The following MTRFR variants were observed in gnomAD, a reference collection of about 807,000 sequenced individuals.
The protein encoded by MTRFR is mitochondrial translation release factor in rescue.
In MTRFR, 10 loss-of-function variants were observed where a neutral mutation model predicts 11.9. That is an observed-to-expected ratio of 0.84 (90% CI 0.52 to 1.42). The LOEUF is 1.42. Ranked by LOEUF, MTRFR falls within the 40% of genes most tolerant of loss-of-function variation. The pLI is 0.00. For synonymous variants in MTRFR, 77 were observed against 79.1 expected, an observed-to-expected ratio of 0.97 and a Z score of 0.14; for missense variants, 196 against 197.9, an observed-to-expected ratio of 0.99 and a Z score of 0.06.
intron 1 of MTRFR, among the ~76,000 whole-genome samples, chr12:123,245,708 G>A (rs1365028105): frequency 6.6e-6 from 1 of 152,162 alleles, no homozygotes; most frequent in Non-Finnish European, 1.5e-5. Flanking sequence ...TCTCCACTTG[G>A]TCGCTGTTGG....
At position 123,257,187 on chromosome 12, in the gene MTRFR, G is replaced by A; in HGVS notation, c.*156G>A. Reference sequence around the variant, plus strand: ...ATTTATTTAAATGGTGCACTAAACTGTAGTGAACAGAGACATGCACGATTC... The same window carrying A: ...ATTTATTTAAATGGTGCACTAAACTATAGTGAACAGAGACATGCACGATTC... On this transcript the variant is annotated 3_prime_UTR_variant, in exon 3 of 3. Transcript: ENST00000253233. 1.5e-6 allele frequency: 1 copy of A among 688,506 alleles called. No homozygotes were observed. The highest frequency in any genetic ancestry group is 1.7e-5 in the South Asian group (1 of 57,674). 42.6% of individuals were successfully genotyped at this position (688,506 alleles called of 1,614,324 possible).
intron 1 of MTRFR, among the ~76,000 whole-genome samples, chr12:123,241,012 C>A (rs888905012): frequency 1.3e-5 from 2 of 151,996 alleles, no homozygotes; most frequent in African/African-American, 4.8e-5. Context: ...CCACACCCAG[C>A]CTCAAATATC....
chr12:123,241,138 GTTGT>G (rs200525746), intron 1 of MTRFR, among the ~76,000 whole-genome samples: 4 of 111,628 alleles, frequency 3.6e-5, no homozygotes, highest in Non-Finnish European at 8.4e-5. Flanking sequence ...TTTATTTGGG[GTTGT>G]TTTTTTTTTG....
At position 123,253,925 on chromosome 12, in the gene MTRFR, T is replaced by G; in HGVS notation, c.251T>G (p.Leu84Arg). 1 of 1,614,226 alleles carries G rather than the reference T, an allele frequency of 6.2e-7. No homozygotes were observed. The highest frequency in any genetic ancestry group is 8.5e-7 in the Non-Finnish European group (1 of 1,180,034). The change falls in exon 2 of 3, where the codon CTG (leucine) becomes CGG (arginine). Residue 84 changes from leucine (L) to arginine (R), a missense_variant. Coordinates refer to ENST00000253233, the MANE Select transcript of MTRFR (RefSeq NM_152269.5). ...ATNKTSNCVV[L>R]KHIPSGIVVK... ...AACAAAACCAGCAACTGCGTGGTGC[T>G]GAAGCACATCCCCTCAGGCATCGTT...
At chr12:123,246,518 A>C (rs1435433877) in intron 1 of MTRFR, among the ~76,000 whole-genome samples, 5 of 148,892 alleles carry the variant, frequency 3.4e-5, no homozygotes, top group Non-Finnish European at 7.4e-5. Context: ...AAATGGCACA[A>C]TCTCGGCTCA....
At chr12:123,256,488 G>A (rs1287914809) in intron 2 of MTRFR, among the ~76,000 whole-genome samples, 1 of 152,182 alleles carries the variant, frequency 6.6e-6, no homozygotes, top group African/African-American at 2.4e-5. Flanking sequence ...AAGCGAACAG[G>A]TTGTCCTGAC....
At chr12:123,247,733 C>G (rs1391566296) in intron 1 of MTRFR, among the ~76,000 whole-genome samples, 1 of 152,098 alleles carries the variant, frequency 6.6e-6, no homozygotes, top group East Asian at 1.9e-4. Flanking sequence ...ATCATGAGGT[C>G]AGGAGATCAA....
rs539929749 is a variant in MTRFR, at chr12:123,257,526, CA to C, written c.*505del. 6.8e-4 allele frequency: 104 copies of C among 152,586 alleles called. No individual in the cohort carries two copies. Among genetic ancestry groups the C allele is most frequent in the Admixed American group, 2.5e-3 (40 of 15,776 alleles). 9.5% of individuals were successfully genotyped at this position (152,586 alleles called of 1,614,324 possible). A position where few individuals can be genotyped will look rare whatever the true frequency, so the allele number is the denominator to read the frequency against. The stretch of plus-strand genomic sequence containing the variant: ...TGGGTGACAGAGCGAGACCCCATCT[CA>C]AAAAAAAAATAAAACTAGTTCAAGT... On this transcript the variant is annotated 3_prime_UTR_variant, in exon 3 of 3. Transcript: ENST00000253233.
rs531969865 is a variant in MTRFR at position 123,234,934 on chromosome 12, G to A, written c.-29+1403G>A. On this transcript the variant is annotated intron_variant, in intron 1 of 2. Transcript: ENST00000253233. ...CACCAAATAACATGTTTTCAGTAAT[G>A]TCATGGCTTATCAAGTACTTCTTAA... is the stretch of plus-strand genomic sequence containing the variant. Among the ~76,000 whole-genome samples the A allele has an allele frequency of 8.3e-4, 126 of 152,218 alleles. 1 individual carries two copies. The highest frequency in any genetic ancestry group is 2.8e-3 in the African/African-American group (115 of 41,530).
intron 1 of MTRFR, among the ~76,000 whole-genome samples, chr12:123,238,635 T>C (rs1005365762): frequency 6.6e-6 from 1 of 152,054 alleles, no homozygotes; most frequent in Non-Finnish European, 1.5e-5. Flanking sequence ...AGAAAAGCTT[T>C]TAAAAGTGTC....
At chr12:123,251,041 C>A (rs1299744869) in intron 1 of MTRFR, 1 of 152,216 alleles carries the variant, frequency 6.6e-6, no homozygotes, top group Non-Finnish European at 1.5e-5. Context: ...GGTGAGATTC[C>A]CAGGTCACTG....
chr12:123,247,167 G>A (rs1433284792), intron 1 of MTRFR, among the ~76,000 whole-genome samples: 1 of 152,076 alleles, frequency 6.6e-6, no homozygotes, highest in Non-Finnish European at 1.5e-5. Context: ...TATCTGTTAA[G>A]TCCATTTGTT....
intron 2 of MTRFR, 107 bp downstream of exon 2, chr12:123,254,063 C>G: frequency 7.2e-7 from 1 of 1,379,802 alleles, no homozygotes. Context: ...CATTATTTTT[C>G]TGGCTTGGGC....
upstream of MTRFR, chr12:123,233,188 G>A (rs1459803665): frequency 1.3e-5 from 2 of 152,138 alleles, no homozygotes; most frequent in Non-Finnish European, 2.9e-5. Context: ...TGCCCGGAAG[G>A]AGGCGGAGAC....
At chr12:123,241,044 G>A (rs371298056) in intron 1 of MTRFR, among the ~76,000 whole-genome samples, 2 of 150,012 alleles carry the variant, frequency 1.3e-5, no homozygotes, top group Non-Finnish European at 3.0e-5. Context: ...TCAGAGACAC[G>A]AAATGAAAGG....
intron 1 of MTRFR, among the ~76,000 whole-genome samples, chr12:123,241,147 T>TTTG (rs1565992022): frequency 4.7e-5 from 7 of 150,048 alleles, no homozygotes; most frequent in Non-Finnish European, 8.9e-5. Flanking sequence ...GGTTGTTTTT[T>TTTG]TTTTGTTTTT....
At chr12:123,246,205 C>T (rs1165822736) in intron 1 of MTRFR, among the ~76,000 whole-genome samples, 7 of 150,520 alleles carry the variant, frequency 4.7e-5, no homozygotes, top group Admixed American at 6.6e-5. Flanking sequence ...TACAGGCATG[C>T]GCCACCACGC....
chr12:123,255,457 G>T (rs897770463), intron 2 of MTRFR, among the ~76,000 whole-genome samples: 3 of 150,984 alleles, frequency 2.0e-5, no homozygotes, highest in African/African-American at 7.3e-5. Flanking sequence ...TAATTTCATA[G>T]AATTTTTTTT....
At chr12:123,250,467 G>A (rs1452945674) in intron 1 of MTRFR, 1 of 152,094 alleles carries the variant, frequency 6.6e-6, no homozygotes, top group East Asian at 1.9e-4. Flanking sequence ...ATATTACCAG[G>A]GTTTGTTCAT....
Sources: gnomAD v4.1 joint callset for allele counts (sites outside exome capture counted in the v4.1 genomes callset) on GRCh38, gnomAD v4.1.1 for gene constraint, MANE v1.5 for transcripts, NCBI Gene and HGNC (gene_info 2026-07-23, HGNC 2026-07-21) for gene names.